LDLRAD3: variants seen among roughly 807,000 people sequenced by gnomAD.
LDLRAD3 encodes the protein low-density lipoprotein receptor class A domain-containing protein 3.
A neutral mutation model predicts 29.4 loss-of-function variants in LDLRAD3; 20 were observed. The observed-to-expected ratio is 0.68, with a 90% confidence interval of 0.48 to 0.99. The LOEUF is 0.99. LDLRAD3 is among the 50% of genes least tolerant of loss of function. The pLI, the probability that LDLRAD3 is intolerant of heterozygous loss-of-function variation, is 0.00. For synonymous variants in LDLRAD3, 157 were observed against 192.7 expected (o/e 0.81, Z 1.53); for missense variants, 420 against 454.3 (o/e 0.92, Z 0.69).
chr11:36,087,454 G>GT (rs1853213064), intron 3 of LDLRAD3, among the ~76,000 whole-genome samples: 1 of 152,196 alleles, frequency 6.6e-6, no homozygotes, highest in Non-Finnish European at 1.5e-5. Flanking sequence ...AAAATGTTCA[G>GT]TGAGTTGATA....
At chr11:36,086,724 A>G (rs1026829096) in intron 3 of LDLRAD3, among the ~76,000 whole-genome samples, 1 of 152,176 alleles carries the variant, frequency 6.6e-6, no homozygotes, top group Non-Finnish European at 1.5e-5. Context: ...TAAACTCGCC[A>G]CCATTTTGGT....
At chr11:36,029,445 A>G (rs1449835730) in intron 1 of LDLRAD3, among the ~76,000 whole-genome samples, 1 of 152,054 alleles carries the variant, frequency 6.6e-6, no homozygotes, top group African/African-American at 2.4e-5. Flanking sequence ...ATCATGACAA[A>G]CAGCATCTTC....
At chr11:35,949,793 T>C (rs1431879381) in intron 1 of LDLRAD3, among the ~76,000 whole-genome samples, 2 of 152,214 alleles carry the variant, frequency 1.3e-5, no homozygotes, top group African/African-American at 4.8e-5. Flanking sequence ...TGTCTTCTTT[T>C]GGGCATGAAT....
chr11:35,999,937 C>T (rs1851802295), intron 1 of LDLRAD3, among the ~76,000 whole-genome samples: 1 of 152,160 alleles, frequency 6.6e-6, no homozygotes, highest in Non-Finnish European at 1.5e-5. Context: ...CAAGGATGCT[C>T]ATTGCAGGTC....
At chr11:36,047,457 G>A (rs1292025989) in intron 2 of LDLRAD3, among the ~76,000 whole-genome samples, 1 of 152,124 alleles carries the variant, frequency 6.6e-6, no homozygotes, top group Non-Finnish European at 1.5e-5. Context: ...TGGCAGAGTT[G>A]TTTCTTTCTT....
chr11:36,116,635 G>GTTTGC (rs1853678335), intron 4 of LDLRAD3, among the ~76,000 whole-genome samples: 1 of 151,842 alleles, frequency 6.6e-6, no homozygotes, highest in African/African-American at 2.4e-5. Context: ...TTCATTTCTA[G>GTTTGC]TGATTGGCAC....
chr11:36,094,491 A>G (rs977297744), intron 3 of LDLRAD3, among the ~76,000 whole-genome samples: 1 of 152,228 alleles, frequency 6.6e-6, no homozygotes, highest in Admixed American at 6.5e-5. Flanking sequence ...TTGTAACAGT[A>G]TAACACATGG....
At chr11:36,139,551 T>C (rs756244065) in intron 4 of LDLRAD3, among the ~76,000 whole-genome samples, 2 of 152,212 alleles carry the variant, frequency 1.3e-5, no homozygotes, top group Non-Finnish European at 2.9e-5. Context: ...TCGCTTCATG[T>C]ATATTTTCTC....
intron 1 of LDLRAD3, among the ~76,000 whole-genome samples, chr11:35,945,866 ATG>A (rs959957045): frequency 9.2e-5 from 14 of 152,282 alleles, no homozygotes; most frequent in Admixed American, 5.2e-4. Context: ...TGGCTATTTA[ATG>A]TGTGTGTGTA....
intron 4 of LDLRAD3, among the ~76,000 whole-genome samples, chr11:36,190,382 C>T (rs917307374): frequency 1.3e-5 from 2 of 152,038 alleles, no homozygotes; most frequent in African/African-American, 4.8e-5. Context: ...TGCCTGTAGT[C>T]CTAGCTACTC....
intron 4 of LDLRAD3, among the ~76,000 whole-genome samples, chr11:36,139,902 TGTGG>T (rs1332151141): frequency 6.6e-6 from 1 of 152,202 alleles, no homozygotes; most frequent in African/African-American, 2.4e-5. Context: ...GTGAATGTGC[TGTGG>T]GTTTAGAGCT....
intron 4 of LDLRAD3, among the ~76,000 whole-genome samples, chr11:36,187,683 G>A (rs531499508): frequency 2.0e-4 from 30 of 152,172 alleles, no homozygotes; most frequent in Non-Finnish European, 3.8e-4. Flanking sequence ...GGGTGTGTTT[G>A]TTTTAGATGC....
chr11:35,958,787 A>G (rs924478878), intron 1 of LDLRAD3, among the ~76,000 whole-genome samples: 3 of 152,108 alleles, frequency 2.0e-5, no homozygotes, highest in African/African-American at 7.2e-5. Flanking sequence ...TCCCTCATTG[A>G]GATCGATGGG....
At chr11:36,190,304 G>A (rs1291414830) in intron 4 of LDLRAD3, among the ~76,000 whole-genome samples, 1 of 152,156 alleles carries the variant, frequency 6.6e-6, no homozygotes, top group Non-Finnish European at 1.5e-5. Context: ...AGACTAGTGT[G>A]GGCAACATAG....
At chr11:36,064,598 G>A (rs2133237509) in intron 2 of LDLRAD3, among the ~76,000 whole-genome samples, 1 of 151,622 alleles carries the variant, frequency 6.6e-6, no homozygotes, top group Non-Finnish European at 1.5e-5. Context: ...GGGATTACAG[G>A]CATGAGCTAC....
intron 4 of LDLRAD3, among the ~76,000 whole-genome samples, chr11:36,188,010 G>A (rs1268272668): frequency 6.6e-6 from 1 of 152,134 alleles, no homozygotes; most frequent in Non-Finnish European, 1.5e-5. Context: ...TAGGTTGGTG[G>A]TTTTTATCCT....
intron 4 of LDLRAD3, among the ~76,000 whole-genome samples, chr11:36,172,528 T>TA (rs1483733273): frequency 6.6e-6 from 1 of 152,132 alleles, no homozygotes; most frequent in African/African-American, 2.4e-5. Flanking sequence ...AGGGTTTTAA[T>TA]AAAAAAGGGA....
chr11:36,052,728 G>C (rs573770635), intron 2 of LDLRAD3, among the ~76,000 whole-genome samples: 1 of 152,286 alleles, frequency 6.6e-6, no homozygotes, highest in Admixed American at 6.5e-5. Context: ...TACCTGTTAA[G>C]TGTTTAACAG....
chr11:36,017,303 CT>C (rs1306031908), intron 1 of LDLRAD3, among the ~76,000 whole-genome samples: 3 of 152,180 alleles, frequency 2.0e-5, no homozygotes, highest in African/African-American at 7.2e-5. Flanking sequence ...TCTGCCAAAG[CT>C]TTGGCTAACT....
Sources: allele counts gnomAD v4.1 joint callset (sites outside exome capture counted in the v4.1 genomes callset), GRCh38; gene constraint gnomAD v4.1.1; transcripts MANE v1.5; gene names NCBI Gene and HGNC (gene_info 2026-07-23, HGNC 2026-07-21).